Variants in LRP1B observed in about 807,000 individuals in gnomAD.
LRP1B encodes low-density lipoprotein receptor-related protein 1B.
In LRP1B, 217 loss-of-function variants were observed where a neutral mutation model predicts 556.6. The observed-to-expected ratio is 0.39, with a 90% CI of 0.35 to 0.44. The LOEUF (loss-of-function observed/expected upper bound fraction) is 0.44, where lower values mean the gene tolerates loss of function less well. Ranked by LOEUF, LRP1B falls within the 20% of genes least tolerant of loss-of-function variation. The pLI is 1.00. For missense variants in LRP1B, 5,053 were observed against 5,620.8 expected (o/e 0.90, Z 3.23); for synonymous variants, 2,047 against 1,865.8 (o/e 1.10, Z -2.50).
chr2:141,183,572 C>T (rs1681106259), intron 7 of LRP1B, among the ~76,000 whole-genome samples: 1 of 152,176 alleles, frequency 6.6e-6, no homozygotes, highest in South Asian at 2.1e-4. Context: ...AGACAACACA[C>T]TTTTCCCTTA....
In LRP1B at chr2:141,364,427, CAT is replaced by C. The variant is rs369856368; in HGVS notation, c.344-109788_344-109787del. ...TTAAATCATAACACACACACACACACATATATATATTTGTGAAAACATCTCAT... is the reference window on the plus strand; with the variant it reads ...TTAAATCATAACACACACACACACACATATATATTTGTGAAAACATCTCAT... On this transcript the variant is annotated intron_variant, in intron 3 of 90. Transcript: ENST00000389484. Among the ~76,000 whole-genome samples, 572 of 134,968 alleles carry C rather than the reference CAT, an allele frequency of 4.2e-3. 3 individuals carry two copies. Among genetic ancestry groups the C allele is most frequent in the African/African-American group, 0.015 (515 of 33,902 alleles). 88.5% of individuals were successfully genotyped at this position (134,968 alleles called of 152,430 possible).
intron 2 of LRP1B, among the ~76,000 whole-genome samples, chr2:141,495,988 A>G (rs899935188): frequency 2.6e-5 from 4 of 152,090 alleles, no homozygotes; most frequent in Non-Finnish European, 5.9e-5. Context: ...ATGCTTATTT[A>G]TATGTAAAAC....
At chr2:140,914,497 A>C (rs1450922926) in intron 21 of LRP1B, among the ~76,000 whole-genome samples, 1 of 152,098 alleles carries the variant, frequency 6.6e-6, no homozygotes, top group Non-Finnish European at 1.5e-5. Flanking sequence ...TCGGGAAAAA[A>C]TGGGTTGGAA....
chr2:140,646,754 T>G (rs529558710), intron 41 of LRP1B, among the ~76,000 whole-genome samples: 1 of 152,200 alleles, frequency 6.6e-6, no homozygotes, highest in African/African-American at 2.4e-5. Context: ...AAATGAAAGT[T>G]TTCAGCATCA....
chr2:140,851,629 G>T (rs377284476), intron 28 of LRP1B, 23 bp downstream of exon 28: 10 of 1,597,292 alleles, frequency 6.3e-6, no homozygotes, highest in Middle Eastern at 1.7e-4. Context: ...TTTTATTTTC[G>T]ATTAGAACTG....
chr2:141,743,486 C>CTTTTTTTTTTTTTCTTTTTTTTTTT (rs1693787238), intron 2 of LRP1B, among the ~76,000 whole-genome samples: 2 of 108,032 alleles, frequency 1.9e-5, no homozygotes, highest in Non-Finnish European at 1.8e-5. Flanking sequence ...CTGCTTTTTT[C>CTTTTTTTTTTTTTCTTTTTTTTTTT]TTTTTTTTTT....
intron 1 of LRP1B, among the ~76,000 whole-genome samples, chr2:142,003,395 A>T (rs1702713896): frequency 6.6e-6 from 1 of 152,114 alleles, no homozygotes; most frequent in South Asian, 2.1e-4. Context: ...TGGGCTGGGG[A>T]TTGGGAAGAG....
At chr2:140,913,375 T>C (rs1401767663) in intron 21 of LRP1B, among the ~76,000 whole-genome samples, 1 of 151,912 alleles carries the variant, frequency 6.6e-6, no homozygotes, top group Non-Finnish European at 1.5e-5. Flanking sequence ...CAGAGAGTGC[T>C]ATGGATTTTC....
At chr2:140,550,909 G>C (rs1680524246) in intron 43 of LRP1B, among the ~76,000 whole-genome samples, 1 of 152,076 alleles carries the variant, frequency 6.6e-6, no homozygotes, top group South Asian at 2.1e-4. Context: ...AGGTAATTAG[G>C]CTTAGACAAA....
intron 66 of LRP1B, among the ~76,000 whole-genome samples, chr2:140,438,892 A>G (rs1686304782): frequency 6.6e-6 from 1 of 152,184 alleles, no homozygotes; most frequent in African/African-American, 2.4e-5. Flanking sequence ...GGGGGCTAGA[A>G]AGCTGGGGCA....
rs558157572 is a variant in LRP1B at position 141,392,997 on chromosome 2, GC to G, written c.343+87398del. Reference sequence around the variant, plus strand: ...ATCTTTCAGCGCACTGTGAGCCTTGGCTTATCATAATTGAAAATCTTTCTAT... The same window carrying G: ...ATCTTTCAGCGCACTGTGAGCCTTGGTTATCATAATTGAAAATCTTTCTAT... On this transcript the variant is annotated intron_variant, in intron 3 of 90. Coordinates refer to ENST00000389484, the MANE Select transcript of LRP1B (RefSeq NM_018557.3). Among the ~76,000 whole-genome samples, 230 of 152,194 alleles carry G rather than the reference GC, an allele frequency of 1.5e-3. 8 individuals are homozygous for G. The highest frequency in any genetic ancestry group is 0.015 in the Admixed American group (229 of 15,278).
chr2:140,964,796 G>A (rs1696149770), intron 18 of LRP1B, among the ~76,000 whole-genome samples: 2 of 152,008 alleles, frequency 1.3e-5, no homozygotes, highest in Non-Finnish European at 2.9e-5. Flanking sequence ...GGAACAGCTC[G>A]TGTCCTCTGT....
Position 141,136,375 on chromosome 2 carries a change from A to T in LRP1B, c.1013+52046T>A, listed in dbSNP as rs568334193. On this transcript the variant is annotated intron_variant, in intron 7 of 90. Transcript: ENST00000389484. ...TGAATTGCAAAGTTTGCATATGAAAATCAGATTCCTAAGTTGCACAGTAAT... is the reference window on the plus strand; with the variant it reads ...TGAATTGCAAAGTTTGCATATGAAATTCAGATTCCTAAGTTGCACAGTAAT... Among the ~76,000 whole-genome samples, 253 of 152,008 alleles carry T rather than the reference A, an allele frequency of 1.7e-3. 1 individual carries two copies. The highest frequency in any genetic ancestry group is 2.8e-3 in the Admixed American group (43 of 15,194).
At position 141,394,450 on chromosome 2, in the gene LRP1B, T is replaced by C. The variant is rs1690168075; in HGVS notation, c.343+85946A>G. Among the ~76,000 whole-genome samples the C allele has an allele frequency of 2.6e-5, 4 of 152,112 alleles. No individual in the cohort carries two copies. The South Asian group carries it at 8.3e-4, about 31-fold the overall frequency. ...AATAGAAATTCTGGCAGTCTTTTTA[T>C]CATTTCAACTGTTGAAATATGTTAA... On this transcript the variant is annotated intron_variant, in intron 3 of 90. Transcript: ENST00000389484.
At chr2:142,067,954 C>T (rs1401421662) in intron 1 of LRP1B, among the ~76,000 whole-genome samples, 1 of 151,464 alleles carries the variant, frequency 6.6e-6, no homozygotes, top group African/African-American at 2.4e-5. Flanking sequence ...ATCTTTGCTC[C>T]TAATATGGTA....
chr2:141,333,377 C>A (rs895049460), intron 3 of LRP1B, among the ~76,000 whole-genome samples: 2 of 152,084 alleles, frequency 1.3e-5, no homozygotes, highest in Non-Finnish European at 2.9e-5. Flanking sequence ...TATTTCAGCT[C>A]CCTTTTTTCT....
At chr2:140,396,996 C>G (rs1418633718) in intron 66 of LRP1B, among the ~76,000 whole-genome samples, 1 of 152,064 alleles carries the variant, frequency 6.6e-6, no homozygotes, top group Non-Finnish European at 1.5e-5. Context: ...TGGTGACTTG[C>G]TCAAGGTCAC....
chr2:140,794,116 G>A (rs769377496), intron 32 of LRP1B, among the ~76,000 whole-genome samples: 14 of 151,776 alleles, frequency 9.2e-5, no homozygotes, highest in Non-Finnish European at 5.9e-5. Context: ...AGATACATAC[G>A]GTCCTCATTG....
intron 5 of LRP1B, among the ~76,000 whole-genome samples, chr2:141,241,794 A>T (rs936967439): frequency 1.8e-4 from 27 of 152,038 alleles, no homozygotes; most frequent in African/African-American, 6.5e-4. Context: ...TAAATCTGTC[A>T]TTACTATGCT....
Sources: allele counts gnomAD v4.1 joint callset (sites outside exome capture counted in the v4.1 genomes callset), GRCh38; gene constraint gnomAD v4.1.1; transcripts MANE v1.5; gene names NCBI Gene and HGNC (gene_info 2026-07-23, HGNC 2026-07-21).